PCDHA5: variants seen among roughly 807,000 people sequenced by gnomAD.
PCDHA5 encodes the protein protocadherin alpha 5.
Under a neutral mutation model 61.6 loss-of-function variants are expected in PCDHA5, and 43 were observed. The ratio of observed to expected loss-of-function variants is 0.70; its 90% CI spans 0.55 to 0.90. The LOEUF (loss-of-function observed/expected upper bound fraction) is 0.90. Ranked by LOEUF, PCDHA5 falls within the 40% of genes least tolerant of loss-of-function variation. The probability of loss-of-function intolerance (pLI) is 0.00; values close to 1 mark genes in which losing one functional copy is unlikely to be tolerated. For missense variants in PCDHA5, 1,298 were observed against 1,222.7 expected (o/e 1.06, Z -0.92); for synonymous variants, 627 against 543.9 (o/e 1.15, Z -2.13).
chr5:140,887,537 C>T (rs530539711), intron 1 of PCDHA5, among the ~76,000 whole-genome samples: 5 of 152,250 alleles, frequency 3.3e-5, no homozygotes, highest in Admixed American at 1.3e-4. Context: ...TTCCTCTCCC[C>T]ACCCCTCATG....
intron 1 of PCDHA5, chr5:140,928,173 C>T (rs1554205586): frequency 1.2e-6 from 2 of 1,614,170 alleles, no homozygotes; most frequent in Admixed American, 1.7e-5. Flanking sequence ...CACTTAGCAC[C>T]CGAAGGACAA....
chr5:140,870,678 G>A (rs1304914174), intron 1 of PCDHA5: 3 of 1,612,744 alleles, frequency 1.9e-6, no homozygotes, highest in Non-Finnish European at 2.5e-6. Context: ...TGGACCACGA[G>A]GAGCTGGAGC....
rs1769616789 is a variant in PCDHA5, at chr5:140,828,216, G to A, written c.2352+4089G>A. ...TCCGTACCCGAGGAGGCCAAACACG[G>A]CACCTTCGTGGGCCGGATCGCGCAG... On this transcript the variant is annotated intron_variant, in intron 1 of 3. Transcript: ENST00000529859. The A allele has an allele frequency of 3.1e-6, 5 of 1,614,022 alleles. No individual in the cohort carries two copies. The East Asian group carries it at 1.1e-4, about 36-fold the overall frequency.
At chr5:140,941,210 T>C (rs199663607) in intron 1 of PCDHA5, among the ~76,000 whole-genome samples, 3,757 of 100,378 alleles carry the variant, frequency 0.037, 93 homozygotes, top group African/African-American at 0.096. Context: ...TTCCTTTCTT[T>C]CTTCCTTTCT....
chr5:140,921,151 A>AT (rs11299094), intron 1 of PCDHA5, among the ~76,000 whole-genome samples: 2 of 151,512 alleles, frequency 1.3e-5, no homozygotes. Context: ...CAGCTAATGC[A>AT]TTTTTTTTTT....
intron 1 of PCDHA5, among the ~76,000 whole-genome samples, chr5:140,958,001 T>C (rs1257234939): frequency 6.6e-6 from 1 of 152,144 alleles, no homozygotes; most frequent in Non-Finnish European, 1.5e-5. Flanking sequence ...ATTTTTTGTT[T>C]CAATTCTATC....
At chr5:140,890,697 C>G (rs1479609896) in intron 1 of PCDHA5, among the ~76,000 whole-genome samples, 1 of 152,124 alleles carries the variant, frequency 6.6e-6, no homozygotes, top group Non-Finnish European at 1.5e-5. Context: ...ATGCAGGGAC[C>G]TTACATTTTT....
chr5:140,992,154 C>T (rs2097495252), intron 3 of PCDHA5, among the ~76,000 whole-genome samples: 1 of 151,952 alleles, frequency 6.6e-6, no homozygotes. Flanking sequence ...TTTGCTCAAT[C>T]AAGAAGTGTG....
At chr5:140,931,235 C>T (rs1563126725) in intron 1 of PCDHA5, among the ~76,000 whole-genome samples, 1 of 152,116 alleles carries the variant, frequency 6.6e-6, no homozygotes, top group Non-Finnish European at 1.5e-5. Flanking sequence ...AATATGTGAA[C>T]ACTTTTCCTA....
In PCDHA5 at chr5:140,830,080, C is replaced by T. The variant is rs2150180869; in HGVS notation, c.2352+5953C>T. The T allele has an allele frequency of 3.1e-6, 5 of 1,613,516 alleles. No individual in the cohort carries two copies. The South Asian group carries it at 5.5e-5, about 18-fold the overall frequency. Reference sequence around the variant, plus strand: ...GTGAGCCGGCGCTGACAGCGACGGCCACGGTTCTGGTGTCGCTGGTGGAGA... The same window carrying T: ...GTGAGCCGGCGCTGACAGCGACGGCTACGGTTCTGGTGTCGCTGGTGGAGA... On this transcript the variant is annotated intron_variant, in intron 1 of 3. Transcript: ENST00000529859.
At chr5:140,977,126 T>C (rs782356713) in intron 1 of PCDHA5, among the ~76,000 whole-genome samples, 27 of 152,240 alleles carry the variant, frequency 1.8e-4, no homozygotes, top group Admixed American at 4.6e-4. Context: ...GAACTGAGTT[T>C]CCTGGTCAGT....
In PCDHA5 at chr5:140,862,738, T is replaced by C. The variant is rs189052602; in HGVS notation, c.2352+38611T>C. 560 of 577,110 alleles carry C rather than the reference T, an allele frequency of 9.7e-4. 3 individuals are homozygous for C. The highest frequency in any genetic ancestry group is 1.5e-3 in the Non-Finnish European group (445 of 297,984). 35.7% of individuals were successfully genotyped at this position (577,110 alleles called of 1,614,324 possible). ...CGAGTGCGCGCTGTCTAGCTATGTG[T>C]GGGTGCACGCGGAGAGCGGCAAGAG... On this transcript the variant is annotated intron_variant, in intron 1 of 3. Coordinates refer to ENST00000529859, the MANE Select transcript of PCDHA5 (RefSeq NM_018908.3).
rs149846106 is a variant in PCDHA5, at chr5:140,824,079, C to G, written c.2304C>G (p.Leu768=). Residue 768 remains leucine (L), a synonymous_variant, in exon 1 of 4, where the codon CTC becomes CTG. Coordinates refer to ENST00000529859, the MANE Select transcript of PCDHA5 (RefSeq NM_018908.3). ...CSGEAPPKTD[L]MAFSPSLPQG... is the part of the protein sequence containing the mutation. ...GGGAAGCTCCACCCAAAACAGACCT[C>G]ATGGCCTTCAGTCCAAGCCTTCCTC... The G allele has an allele frequency of 6.2e-6, 10 of 1,614,220 alleles. No homozygotes were observed. The highest frequency in any genetic ancestry group is 8.5e-6 in the Non-Finnish European group (10 of 1,180,040).
intron 1 of PCDHA5, chr5:140,870,895 G>A (rs2052513329): frequency 6.2e-7 from 1 of 1,613,844 alleles, no homozygotes; most frequent in African/African-American, 1.3e-5. Flanking sequence ...CGCAGTGGAT[G>A]CGGACTCAGG....
chr5:140,842,282 G>A (rs2150333421), intron 1 of PCDHA5: 1 of 1,610,576 alleles, frequency 6.2e-7, no homozygotes, highest in Admixed American at 1.7e-5. Flanking sequence ...AATCCTCATT[G>A]ACGCCACGGA....
rs2150387302 is a variant in PCDHA5 at position 140,846,348 on chromosome 5, C to T, written c.2352+22221C>T. ...TAAATAGCCTTTTAAAGTGCTTTCT[C>T]TTTTTTCTTTTCTTTTCTTTCTTTC... is the stretch of plus-strand genomic sequence containing the variant. On this transcript the variant is annotated intron_variant, in intron 1 of 3. Transcript: ENST00000529859. 5.0e-5 allele frequency among the ~76,000 whole-genome samples: 7 copies of T among 138,736 alleles called. 1 individual carries two copies. Among genetic ancestry groups the T allele is most frequent in the East Asian group, 2.0e-4 (1 of 4,968 alleles). The allele number at this position is 138,736 out of a possible 152,430, so 91.0% of individuals were successfully genotyped here.
At chr5:140,829,291 CT>C in intron 1 of PCDHA5, 1 of 1,614,248 alleles carries the variant, frequency 6.2e-7, no homozygotes, top group Non-Finnish European at 8.5e-7. Context: ...TGGTGTCCAC[CT>C]TCAAGAATTA....
intron 1 of PCDHA5, among the ~76,000 whole-genome samples, chr5:140,900,796 A>G (rs1269266602): frequency 1.3e-5 from 2 of 152,188 alleles, no homozygotes; most frequent in Admixed American, 6.5e-5. Flanking sequence ...ACTGTTCTCC[A>G]TAGTGCTTGT....
At chr5:140,884,523 A>T (rs1393275293) in intron 1 of PCDHA5, 1 of 1,614,030 alleles carries the variant, frequency 6.2e-7, no homozygotes, top group Non-Finnish European at 8.5e-7. Flanking sequence ...TCGTACTCGC[A>T]GCAGAGGCGG....
Sources: gnomAD v4.1 joint callset for allele counts (sites outside exome capture counted in the v4.1 genomes callset) on GRCh38, gnomAD v4.1.1 for gene constraint, MANE v1.5 for transcripts, NCBI Gene and HGNC (gene_info 2026-07-23, HGNC 2026-07-21) for gene names.